PLEKHA5: variants seen among roughly 807,000 people sequenced by gnomAD.
PLEKHA5 encodes the protein pleckstrin homology domain-containing family A member 5.
PLEKHA5 carries 55 observed loss-of-function variants against 181.9 expected under a neutral mutation model. The ratio of observed to expected loss-of-function variants is 0.30; its 90% CI spans 0.24 to 0.38. The LOEUF (loss-of-function observed/expected upper bound fraction) is 0.38, where lower values mean the gene tolerates loss of function less well. Among genes scored for constraint, PLEKHA5 ranks in the 10% least tolerant of loss-of-function variants. The probability of loss-of-function intolerance (pLI) is 1.00; values close to 1 mark genes in which losing one functional copy is unlikely to be tolerated. For missense variants in PLEKHA5, 1,432 were observed against 1,549.5 expected, an observed-to-expected ratio of 0.92 and a Z score of 1.27; for synonymous variants, 535 against 529.4, an observed-to-expected ratio of 1.01 and a Z score of -0.15.
chr12:19,360,259 A>C (rs993482838), intron 28 of PLEKHA5, among the ~76,000 whole-genome samples: 2 of 151,730 alleles, frequency 1.3e-5, no homozygotes, highest in Non-Finnish European at 2.9e-5. Context: ...CCTGAGCCCA[A>C]GTCGCAGTGA....
chr12:19,333,611 T>TC (rs1227735391), intron 20 of PLEKHA5, among the ~76,000 whole-genome samples: 3 of 7,544 alleles, frequency 4.0e-4, no homozygotes, highest in Non-Finnish European at 1.7e-3. Context: ...ATTCATTCTC[T>TC]TTTTTTTTTT....
chr12:19,311,926 C>G (rs1200728021), intron 15 of PLEKHA5, among the ~76,000 whole-genome samples: 1 of 152,108 alleles, frequency 6.6e-6, no homozygotes, highest in Non-Finnish European at 1.5e-5. Flanking sequence ...CAGCTAGAGC[C>G]TTATGAAATG....
intron 8 of PLEKHA5, among the ~76,000 whole-genome samples, chr12:19,267,456 T>C (rs1319929840): frequency 3.3e-5 from 5 of 149,998 alleles, no homozygotes; most frequent in Non-Finnish European, 7.4e-5. Context: ...GGTCAGGAGT[T>C]TGAGACCAGC....
At chr12:19,347,275 T>G in intron 24 of PLEKHA5, 93 bp downstream of exon 24, 2 of 567,604 alleles carry the variant, frequency 3.5e-6, no homozygotes, top group Non-Finnish European at 5.7e-6. Flanking sequence ...TTTTTTTTAT[T>G]ATAACCTTTA....
intron 3 of PLEKHA5, chr12:19,205,369 G>A: frequency 1.0e-6 from 1 of 984,910 alleles, no homozygotes; most frequent in African/African-American, 1.7e-5. Flanking sequence ...CTGTCAGGAA[G>A]CATGTAATTT....
chr12:19,333,610 CTTT>C (rs372554935), intron 20 of PLEKHA5, among the ~76,000 whole-genome samples: 7 of 129,060 alleles, frequency 5.4e-5, no homozygotes, highest in Admixed American at 8.2e-5. Flanking sequence ...CATTCATTCT[CTTT>C]TTTTTTTTTT....
At chr12:19,205,045 T>C (rs2055091984) in intron 3 of PLEKHA5, among the ~76,000 whole-genome samples, 1 of 152,262 alleles carries the variant, frequency 6.6e-6, no homozygotes, top group East Asian at 1.9e-4. Context: ...TAAGGACTTG[T>C]TATTTAATAA....
intron 13 of PLEKHA5, 95 bp from the exon 14 acceptor site, chr12:19,290,582 G>A: frequency 1.7e-6 from 2 of 1,155,482 alleles, no homozygotes; most frequent in Non-Finnish European, 2.4e-6. Context: ...ACCATAAGAG[G>A]AAACTTGCCA....
intron 15 of PLEKHA5, among the ~76,000 whole-genome samples, chr12:19,294,342 A>G (rs531170223): frequency 1.2e-4 from 18 of 152,288 alleles, no homozygotes; most frequent in Non-Finnish European, 2.4e-4. Flanking sequence ...GTAGCGTAAC[A>G]TTTTAGAGTA....
chr12:19,304,265 C>T (rs1355501037), intron 15 of PLEKHA5, among the ~76,000 whole-genome samples: 5 of 152,072 alleles, frequency 3.3e-5, no homozygotes, highest in Non-Finnish European at 2.9e-5. Flanking sequence ...ATTAGCCGGG[C>T]GTAGTAGTGG....
chr12:19,320,404 G>T (rs2090337452), intron 17 of PLEKHA5, 158 bp from the exon 18 acceptor site: 1 of 472,208 alleles, frequency 2.1e-6, no homozygotes, highest in Admixed American at 3.9e-5. Context: ...CTACTTTGTT[G>T]ATCAGTGTTT....
chr12:19,325,292 G>A (rs927982671), intron 20 of PLEKHA5, among the ~76,000 whole-genome samples: 26 of 152,160 alleles, frequency 1.7e-4, no homozygotes, highest in Non-Finnish European at 3.7e-4. Flanking sequence ...TTAGGAGACT[G>A]AGGTGGGAGG....
intron 3 of PLEKHA5, among the ~76,000 whole-genome samples, chr12:19,134,904 G>T (rs16915104): frequency 0.065 from 9,876 of 152,184 alleles, 370 homozygotes; most frequent in South Asian, 0.11. Flanking sequence ...ATTCGTGTTG[G>T]TGGCTATAGT....
At chr12:19,333,268 AGAGT>A (rs1430246941) in intron 20 of PLEKHA5, among the ~76,000 whole-genome samples, 1 of 149,150 alleles carries the variant, frequency 6.7e-6, no homozygotes, top group Non-Finnish European at 1.5e-5. Context: ...CTGGGCAACA[AGAGT>A]GAAACTCCAT....
At chr12:19,155,568 T>A (rs1263297933) in intron 3 of PLEKHA5, among the ~76,000 whole-genome samples, 1 of 152,202 alleles carries the variant, frequency 6.6e-6, no homozygotes, top group Non-Finnish European at 1.5e-5. Context: ...TTGAATCAAA[T>A]GGAATCTGTT....
At chr12:19,205,865 T>G (rs992394551) in intron 3 of PLEKHA5, among the ~76,000 whole-genome samples, 1 of 152,124 alleles carries the variant, frequency 6.6e-6, no homozygotes, top group Non-Finnish European at 1.5e-5. Flanking sequence ...AGACCCAGTT[T>G]GCATAAGATC....
At chr12:19,350,751 A>T (rs190388746) in intron 25 of PLEKHA5, among the ~76,000 whole-genome samples, 243 of 151,990 alleles carry the variant, frequency 1.6e-3, no homozygotes, top group African/African-American at 5.6e-3. Context: ...CTAGACAGTG[A>T]CTCCATCTCA....
intron 11 of PLEKHA5, among the ~76,000 whole-genome samples, chr12:19,275,546 T>C (rs906621511): frequency 6.6e-6 from 1 of 152,250 alleles, no homozygotes; most frequent in Admixed American, 6.5e-5. Context: ...GGAGAATCGT[T>C]TGATGCCAGG....
chr12:19,320,312 C>T (rs1195627691), intron 17 of PLEKHA5, among the ~76,000 whole-genome samples: 1 of 151,920 alleles, frequency 6.6e-6, no homozygotes, highest in Non-Finnish European at 1.5e-5. Flanking sequence ...TTTTGTTTGA[C>T]CAGCATATTA....
Sources: allele counts gnomAD v4.1 joint callset (sites outside exome capture counted in the v4.1 genomes callset), GRCh38; gene constraint gnomAD v4.1.1; transcripts MANE v1.5; gene names NCBI Gene and HGNC (gene_info 2026-07-23, HGNC 2026-07-21).